HDAC8: variants seen among roughly 807,000 people sequenced by gnomAD.
HDAC8 encodes the protein histone deacetylase-like 1.
A neutral mutation model predicts 32.2 loss-of-function variants in HDAC8; 1 was observed. That is an observed-to-expected ratio of 0.03 (90% CI 0.01 to 0.15). The LOEUF (loss-of-function observed/expected upper bound fraction) is 0.15. HDAC8 is among the 10% of genes least tolerant of loss of function. HDAC8 has a pLI of 1.00. For synonymous variants in HDAC8, 108 were observed against 113.9 expected (o/e 0.95, Z 0.33); for missense variants, 117 against 300.0 (o/e 0.39, Z 4.51).
chrX:72,539,236 TTATG>T (rs1429729637), intron 4 of HDAC8, among the ~76,000 whole-genome samples: 8 of 110,778 alleles, frequency 7.2e-5, no homozygotes, highest in African/African-American at 2.6e-4. Flanking sequence ...ATTTATTTAT[TTATG>T]TATTTATTTT....
At chrX:72,374,173 G>A (rs782301210) in intron 9 of HDAC8, among the ~76,000 whole-genome samples, 2 of 111,369 alleles carry the variant, frequency 1.8e-5, no homozygotes, top group East Asian at 5.8e-4. Context: ...AGCCTCCCAA[G>A]TAACTAAAAC....
At chrX:72,503,215 C>CT (rs2049281844) in intron 4 of HDAC8, among the ~76,000 whole-genome samples, 1 of 111,962 alleles carries the variant, frequency 8.9e-6, no homozygotes, top group East Asian at 2.8e-4. Context: ...CAACAAAGCA[C>CT]TTTTTCAGAG....
At chrX:72,451,795 C>T (rs1409473904) in intron 9 of HDAC8, among the ~76,000 whole-genome samples, 3 of 112,581 alleles carry the variant, frequency 2.7e-5, no homozygotes, top group Non-Finnish European at 5.6e-5. Flanking sequence ...CATCTATTTT[C>T]AGAAATTGGA....
chrX:72,342,654 A>G (rs1555945419), intron 10 of HDAC8, among the ~76,000 whole-genome samples: 1 of 112,180 alleles, frequency 8.9e-6, no homozygotes. Context: ...CAAGAAAAAA[A>G]TGCTTAATTA....
intron 9 of HDAC8, 109 bp from the exon 10 acceptor site, chrX:72,351,947 G>A: frequency 3.9e-6 from 2 of 515,211 alleles, no homozygotes; most frequent in East Asian, 3.7e-5. Flanking sequence ...AGGCAAGGGA[G>A]GCCTCCTTGG....
chrX:72,471,425 A>G (rs1357868241), intron 7 of HDAC8, among the ~76,000 whole-genome samples: 1 of 112,134 alleles, frequency 8.9e-6, no homozygotes, highest in African/African-American at 3.2e-5. Flanking sequence ...ACTGTTTTCC[A>G]CAGTGGGCCA....
At position 72,494,366 on chromosome X, in the gene HDAC8, G is replaced by GA. The variant is rs1172745627; in HGVS notation, c.550+789dup. Reference sequence around the variant, plus strand: ...ATGCCTTGATTATGTTAGTTTGTCTGAAAAAAAAAAAATCCCTGGAAACAG... The same window carrying GA: ...ATGCCTTGATTATGTTAGTTTGTCTGAAAAAAAAAAAAATCCCTGGAAACAG... On this transcript the variant is annotated intron_variant, in intron 5 of 10. Transcript: ENST00000373573. 3.7e-3 allele frequency among the ~76,000 whole-genome samples: 371 copies of GA among 100,627 alleles called. 2 individuals are homozygous for GA. Among genetic ancestry groups the GA allele is most frequent in the East Asian group, 6.4e-3 (21 of 3,302 alleles). 87.4% of individuals were successfully genotyped at this position (100,627 alleles called of 115,157 possible). A position where few individuals can be genotyped will look rare whatever the true frequency, so the allele number is the denominator to read the frequency against.
At chrX:72,476,250 A>G (rs2048332119) in intron 7 of HDAC8, among the ~76,000 whole-genome samples, 1 of 109,989 alleles carries the variant, frequency 9.1e-6, no homozygotes, top group African/African-American at 3.3e-5. Flanking sequence ...CTAAATCCCA[A>G]TGGTCTTTGG....
rs1393788206 is a variant in HDAC8 at position 72,351,764 on chromosome X, G to A, written c.1080C>T (p.His360=). The A allele has an allele frequency of 8.3e-7, 1 of 1,208,972 alleles. No homozygotes were observed. The highest frequency in any genetic ancestry group is 1.7e-5 in the African/African-American group (1 of 57,357). The change falls in exon 10 of 11, where the codon CAC becomes CAT. Residue 360 remains histidine (H), a synonymous_variant. Transcript: ENST00000373573. ...PSCRPDRNEP[H]RIQQILNYIK... ...TGTAGTTGAGGATTTGTTGGATTCG[G>A]TGGGGCTCATTGCGGTCTGGCCGGC...
chrX:72,559,881 C>A (rs1556114044), intron 4 of HDAC8, among the ~76,000 whole-genome samples: 1 of 110,551 alleles, frequency 9.0e-6, no homozygotes, highest in Non-Finnish European at 1.9e-5. Flanking sequence ...GGCAGCCACC[C>A]CGTCCGGGAG....
chrX:72,570,948 G>A (rs992633923), intron 2 of HDAC8, among the ~76,000 whole-genome samples: 3 of 111,859 alleles, frequency 2.7e-5, no homozygotes, highest in African/African-American at 6.5e-5. Context: ...TTTTTGAGAC[G>A]GAGTCTCACT....
At chrX:72,402,631 A>G (rs900373242) in intron 9 of HDAC8, among the ~76,000 whole-genome samples, 2 of 109,484 alleles carry the variant, frequency 1.8e-5, no homozygotes, top group Non-Finnish European at 3.8e-5. Context: ...TGTGTAGTTT[A>G]TTTTCTGCAT....
intron 4 of HDAC8, among the ~76,000 whole-genome samples, chrX:72,505,566 C>T (rs911246572): frequency 9.0e-6 from 1 of 111,301 alleles, no homozygotes; most frequent in Admixed American, 9.5e-5. Context: ...GCTGTAATTC[C>T]AGCACTTTGG....
At chrX:72,446,200 A>T (rs2047388276) in intron 9 of HDAC8, among the ~76,000 whole-genome samples, 1 of 112,404 alleles carries the variant, frequency 8.9e-6, no homozygotes, top group African/African-American at 3.2e-5. Context: ...TACCCAAAGG[A>T]CTATAAATCA....
chrX:72,332,802 C>A (rs1344992035), intron 10 of HDAC8, among the ~76,000 whole-genome samples: 1 of 110,551 alleles, frequency 9.0e-6, no homozygotes, highest in Admixed American at 9.6e-5. Flanking sequence ...CAGGCATGTG[C>A]CACCATGCTC....
chrX:72,357,761 T>C (rs2044414418), intron 9 of HDAC8, among the ~76,000 whole-genome samples: 1 of 111,485 alleles, frequency 9.0e-6, no homozygotes, highest in South Asian at 3.8e-4. Flanking sequence ...CTGATTGCTG[T>C]CAATCAGAAC....
intron 9 of HDAC8, among the ~76,000 whole-genome samples, chrX:72,443,690 C>T (rs1326838355): frequency 9.3e-6 from 1 of 107,898 alleles, no homozygotes; most frequent in African/African-American, 3.6e-5. Context: ...AAAATCAGAG[C>T]AGAACTGAAG....
chrX:72,509,647 C>G (rs2049511351), intron 4 of HDAC8, among the ~76,000 whole-genome samples: 1 of 111,767 alleles, frequency 8.9e-6, no homozygotes. Flanking sequence ...CATGATACTA[C>G]TTACATGAGG....
intron 10 of HDAC8, among the ~76,000 whole-genome samples, chrX:72,338,899 G>A (rs2043810449): frequency 1.9e-5 from 2 of 107,112 alleles, no homozygotes; most frequent in African/African-American, 3.4e-5. Context: ...TTTTTAAAAA[G>A]AAATTTTAAA....
Sources: allele counts gnomAD v4.1 joint callset (sites outside exome capture counted in the v4.1 genomes callset), GRCh38; gene constraint gnomAD v4.1.1; transcripts MANE v1.5; gene names NCBI Gene and HGNC (gene_info 2026-07-23, HGNC 2026-07-21).